IDI1: variants seen among roughly 807,000 people sequenced by gnomAD.
IDI1 encodes the protein isopentenyl-diphosphate Delta-isomerase 1.
A neutral mutation model predicts 32.9 loss-of-function variants in IDI1; 23 were observed. That is an observed-to-expected ratio of 0.70 (90% CI 0.50 to 0.99). IDI1 has a LOEUF of 0.99. Ranked by LOEUF, IDI1 falls within the 50% of genes least tolerant of loss-of-function variation. The probability of loss-of-function intolerance (pLI) is 0.00; values close to 1 mark genes in which losing one functional copy is unlikely to be tolerated. For synonymous variants in IDI1, 133 were observed against 128.2 expected, an observed-to-expected ratio of 1.04 and a Z score of -0.25; for missense variants, 326 against 351.9, an observed-to-expected ratio of 0.93 and a Z score of 0.59.
chr10:1,041,047 G>A lies in IDI1; in HGVS notation c.*140C>T, dbSNP rs779666907. Reference sequence around the variant, plus strand: ...TCCACACAAGTTTTAAAGTATCAGTGTATATAATACATTAATGATAGTACC... The same window carrying A: ...TCCACACAAGTTTTAAAGTATCAGTATATATAATACATTAATGATAGTACC... On this transcript the variant is annotated 3_prime_UTR_variant, in exon 5 of 5. Coordinates refer to ENST00000381344, the MANE Select transcript of IDI1 (RefSeq NM_004508.4). The A allele has an allele frequency of 1.1e-4, 66 of 595,970 alleles. 1 individual carries two copies. Among genetic ancestry groups the A allele is most frequent in the Non-Finnish European group, 1.6e-4 (54 of 341,856 alleles). The allele number at this position is 595,970 out of a possible 1,614,324, so 36.9% of individuals were successfully genotyped here.
intron 2 of IDI1, 199 bp downstream of exon 2, chr10:1,043,799 CA>C: frequency 1.5e-6 from 1 of 678,778 alleles, no homozygotes; most frequent in Admixed American, 2.1e-5. Context: ...AGCCGAGTAA[CA>C]GGCATGAAGT....
intron 1 of IDI1, among the ~76,000 whole-genome samples, chr10:1,044,931 C>T (rs1832756943): frequency 6.6e-6 from 1 of 152,260 alleles, no homozygotes; most frequent in African/African-American, 2.4e-5. Context: ...AAAATAGTCA[C>T]AGGCAATAGG....
chr10:1,054,502 A>T, the IDI1 span, among the ~76,000 whole-genome samples: 4 of 152,226 alleles, frequency 2.6e-5, no homozygotes, highest in Non-Finnish European at 5.9e-5. Flanking sequence ...TTGTTGCCCT[A>T]TGTCAGGGAC....
chr10:1,047,852 G>A (rs1025873845), intron 1 of IDI1, among the ~76,000 whole-genome samples: 1 of 152,230 alleles, frequency 6.6e-6, no homozygotes, highest in Non-Finnish European at 1.5e-5. Context: ...TACAGAATAA[G>A]TCTGTATATG....
At chr10:1,052,346 T>G (rs140393577), upstream of IDI1, among the ~76,000 whole-genome samples, 409 of 152,384 alleles carry the variant, frequency 2.7e-3, no homozygotes, top group Non-Finnish European at 4.3e-3. Context: ...AAGCAACTGC[T>G]TATCCATTCA....
chr10:1,043,159 A>G, intron 3 of IDI1, 142 bp downstream of exon 3: 1 of 614,004 alleles, frequency 1.6e-6, no homozygotes, highest in Non-Finnish European at 2.9e-6. Flanking sequence ...GGTTGCACTC[A>G]TTGTGTAAAC....
upstream of IDI1, among the ~76,000 whole-genome samples, chr10:1,054,050 C>CA (rs1833081838): frequency 6.6e-6 from 1 of 152,290 alleles, no homozygotes; most frequent in Admixed American, 6.5e-5. Context: ...TGGTGCCCCC[C>CA]AAGCAATTAT....
chr10:1,042,406 T>C (rs1832629290), intron 4 of IDI1: 3 of 458,224 alleles, frequency 6.5e-6, no homozygotes, highest in East Asian at 4.5e-5. Context: ...CAACCTTATA[T>C]AGTGCTTAAC....
the IDI1 span, among the ~76,000 whole-genome samples, chr10:1,055,715 C>CT: frequency 4.8e-3 from 635 of 132,130 alleles, 4 homozygotes; most frequent in African/African-American, 0.012. Flanking sequence ...AACTTCACTT[C>CT]TTTTTTTTTT....
intron 1 of IDI1, chr10:1,048,477 C>A: frequency 8.0e-7 from 1 of 1,254,382 alleles, no homozygotes; most frequent in Admixed American, 3.0e-5. Context: ...GTGTTTCTGA[C>A]GATGCTGTCT....
In IDI1 at chr10:1,043,983, T is replaced by A; in HGVS notation, c.313+16A>T. On this transcript the variant is annotated intron_variant, in intron 2 of 4. Coordinates refer to ENST00000381344, the MANE Select transcript of IDI1 (RefSeq NM_004508.4). ...ACACAAATCGCTTTACAAGAAAGAC[T>A]GTTTCAAAGCAGCACCTTTCTCAAT... 6.2e-7 allele frequency: 1 copy of A among 1,603,302 alleles called. No homozygotes were observed. The highest frequency in any genetic ancestry group is 8.5e-7 in the Non-Finnish European group (1 of 1,175,032).
At chr10:1,043,838 A>G in intron 2 of IDI1, 161 bp downstream of exon 2, 1 of 671,616 alleles carries the variant, frequency 1.5e-6, no homozygotes, top group Non-Finnish European at 2.7e-6. Flanking sequence ...ACAGGAAGAC[A>G]GCAAAGCAGA....
chr10:1,053,995 A>C (rs1004375307), upstream of IDI1, among the ~76,000 whole-genome samples: 9 of 152,166 alleles, frequency 5.9e-5, no homozygotes, highest in African/African-American at 1.9e-4. Flanking sequence ...AGAACACATA[A>C]AACATTTATC....
At chr10:1,049,206 G>A (rs1832911219), upstream of IDI1, 9 of 864,774 alleles carry the variant, frequency 1.0e-5, no homozygotes, top group East Asian at 3.3e-5. Flanking sequence ...CGACTGGGCG[G>A]TGCCCGAGAC....
upstream of IDI1, chr10:1,049,281 T>C (rs563633511): frequency 4.1e-6 from 2 of 493,168 alleles, no homozygotes; most frequent in African/African-American, 2.1e-5. Context: ...CTGCGAACGG[T>C]GCCTAACGTC....
At chr10:1,056,632 G>C in the IDI1 span, 1 of 152,268 alleles carries the variant, frequency 6.6e-6, no homozygotes, top group African/African-American at 2.4e-5. Flanking sequence ...GTGACCAAGG[G>C]TGGGGGCGTT....
At chr10:1,053,482 A>G (rs927263015), upstream of IDI1, among the ~76,000 whole-genome samples, 3 of 152,300 alleles carry the variant, frequency 2.0e-5, no homozygotes, top group East Asian at 5.8e-4. Flanking sequence ...GGTTTAATCT[A>G]TACAGACCAC....
intron 1 of IDI1, among the ~76,000 whole-genome samples, chr10:1,044,388 C>T (rs1046622034): frequency 6.6e-6 from 1 of 152,220 alleles, no homozygotes; most frequent in Admixed American, 6.5e-5. Flanking sequence ...AGTCATGCTC[C>T]TGAAGGCCAA....
At chr10:1,042,372 G>C (rs1832627795) in intron 4 of IDI1, among the ~76,000 whole-genome samples, 1 of 152,054 alleles carries the variant, frequency 6.6e-6, no homozygotes. Context: ...ACTCATCTTA[G>C]ATTTGATCAA....
Sources: allele counts gnomAD v4.1 joint callset (sites outside exome capture counted in the v4.1 genomes callset), GRCh38; gene constraint gnomAD v4.1.1; transcripts MANE v1.5; gene names NCBI Gene and HGNC (gene_info 2026-07-23, HGNC 2026-07-21).